The following NBR1 variants were observed in gnomAD, a reference collection of about 807,000 sequenced individuals.
The protein encoded by NBR1 is NBR1 autophagy cargo receptor.
NBR1 carries 59 observed loss-of-function variants against 115.5 expected under a neutral mutation model. The observed-to-expected ratio is 0.51, with a 90% CI of 0.41 to 0.63. The LOEUF (loss-of-function observed/expected upper bound fraction) is 0.63. NBR1 is among the 30% of genes least tolerant of loss of function. The probability of loss-of-function intolerance (pLI) is 0.00; values close to 1 mark genes in which losing one functional copy is unlikely to be tolerated. For synonymous variants in NBR1, 373 were observed against 414.7 expected (o/e 0.90, Z 1.22); for missense variants, 1,043 against 1,150.5 (o/e 0.91, Z 1.35).
At chr17:43,199,554 T>G (rs1177774679) in intron 16 of NBR1, among the ~76,000 whole-genome samples, 1 of 151,970 alleles carries the variant, frequency 6.6e-6, no homozygotes, top group Non-Finnish European at 1.5e-5. Context: ...TTTTTGTATT[T>G]TTAGTAGAGA....
chr17:43,201,759 G>T lies in NBR1; in HGVS notation c.2542G>T (p.Val848Phe). 1.3e-6 allele frequency: 2 copies of T among 1,596,916 alleles called. No homozygotes were observed. The highest frequency in any genetic ancestry group is 1.1e-5 in the South Asian group (1 of 90,636). The stretch of plus-strand genomic sequence containing the variant: ...AGTTACCATACCAGAAGTTTCTTCA[G>T]TCCCTGATCAGATCAGAGGAGGTAA... ...LPVTIPEVSS[V>F]PDQIRGEPRG... The change falls in exon 18 of 21, where the codon GTC becomes TTC. Residue 848 changes from valine (V) to phenylalanine (F), a missense_variant. By Grantham distance (50) the Val-to-Phe change is conservative. Transcript: ENST00000590996.
chr17:43,174,452 G>A (rs1184418252), intron 1 of NBR1, among the ~76,000 whole-genome samples: 1 of 151,828 alleles, frequency 6.6e-6, no homozygotes, highest in African/African-American at 2.4e-5. Flanking sequence ...AAAAAAATTA[G>A]CCAGGCGTGG....
intron 16 of NBR1, 50 bp from the exon 17 acceptor site, chr17:43,200,117 T>G: frequency 7.0e-7 from 1 of 1,424,582 alleles, no homozygotes; most frequent in Non-Finnish European, 9.5e-7. Context: ...GGATAGTACT[T>G]AGGCCTGCTT....
chr17:43,197,227 G>C, intron 16 of NBR1, 121 bp downstream of exon 16: 2 of 1,041,020 alleles, frequency 1.9e-6, no homozygotes, highest in South Asian at 3.2e-5. Flanking sequence ...TTAGTTAGAA[G>C]TTCTGATCTT....
In NBR1 at chr17:43,201,696, T is replaced by C. The variant is rs752547224; in HGVS notation, c.2479T>C (p.Cys827Arg). 6.3e-7 allele frequency: 1 copy of C among 1,599,210 alleles called. No individual in the cohort carries two copies. Among genetic ancestry groups the C allele is most frequent in the Non-Finnish European group, 8.6e-7 (1 of 1,166,494 alleles). The stretch of plus-strand genomic sequence containing the variant: ...GTGTCTTTCTGAAAGGAGCTCTCCT[T>C]GTGTACATCATCATGGTTCCCCAGG... ...LPPSLPRSSP[C>R]VHHHGSPGVD... is the part of the protein sequence containing the mutation. Residue 827 changes from cysteine to arginine, a missense_variant, in exon 18 of 21, where the codon TGT becomes CGT. Physicochemically the swap from Cys to Arg is radical, Grantham distance 180 (BLOSUM62 -3). Coordinates refer to ENST00000590996, the MANE Select transcript of NBR1 (RefSeq NM_005899.5).
At chr17:43,198,712 A>G (rs1045469779) in intron 16 of NBR1, among the ~76,000 whole-genome samples, 3 of 152,080 alleles carry the variant, frequency 2.0e-5, no homozygotes, top group African/African-American at 7.2e-5. Context: ...CTGTAATCCC[A>G]GCACGTTGGG....
intron 3 of NBR1, 84 bp downstream of exon 3, chr17:43,178,082 A>C (rs1396593099): frequency 6.9e-7 from 1 of 1,455,178 alleles, no homozygotes; most frequent in Admixed American, 2.0e-5. Context: ...ATAATTCAAA[A>C]TAGTGTTTAG....
intron 4 of NBR1, among the ~76,000 whole-genome samples, 164 bp downstream of exon 4, chr17:43,179,576 T>A (rs2056612219): frequency 6.6e-6 from 1 of 152,192 alleles, no homozygotes; most frequent in Non-Finnish European, 1.5e-5. Flanking sequence ...CAGTTTTTTA[T>A]ATATAGGATG....
chr17:43,192,659 G>A (rs2056976480), intron 10 of NBR1, among the ~76,000 whole-genome samples: 2 of 152,140 alleles, frequency 1.3e-5, no homozygotes, highest in South Asian at 2.1e-4. Context: ...GTGAGCCACC[G>A]CGCCTGGCCA....
chr17:43,195,229 A>G, intron 14 of NBR1, 190 bp downstream of exon 14: 1 of 588,548 alleles, frequency 1.7e-6, no homozygotes, highest in Non-Finnish European at 3.0e-6. Context: ...CATGCTGGGC[A>G]TGGTGGCTCG....
In NBR1 at chr17:43,209,601, C is replaced by G. The variant is rs1302971145; in HGVS notation, c.2728-300C>G. On this transcript the variant is annotated intron_variant, in intron 20 of 20. Coordinates refer to ENST00000590996, the MANE Select transcript of NBR1 (RefSeq NM_005899.5). The stretch of plus-strand genomic sequence containing the variant: ...CATTCCTTCATCTGGCCAAAAAATG[C>G]TTCTTCCTGAAAGCCCCGAGTGAAG... 2.0e-6 allele frequency: 3 copies of G among 1,535,598 alleles called. No homozygotes were observed. The South Asian group carries it at 3.6e-5, about 18-fold the overall frequency.
intron 5 of NBR1, among the ~76,000 whole-genome samples, chr17:43,185,568 G>A (rs2056780625): frequency 6.6e-6 from 1 of 152,110 alleles, no homozygotes; most frequent in Non-Finnish European, 1.5e-5. Context: ...AGGTGTGGTG[G>A]CATGCGCCTG....
chr17:43,201,688 G>T lies in NBR1; in HGVS notation c.2471G>T (p.Ser824Ile). The T allele has an allele frequency of 6.3e-7, 1 of 1,587,652 alleles. No homozygotes were observed. Among genetic ancestry groups the T allele is most frequent in the Non-Finnish European group, 8.7e-7 (1 of 1,156,044 alleles). The change falls in exon 18 of 21, where the codon AGC becomes ATC. Residue 824 changes from serine (S) to isoleucine (I), a missense_variant and splice_region_variant. Ser to Ile is a moderately radical substitution (Grantham distance 142). Transcript: ENST00000590996. ...TCCATATTGTGTCTTTCTGAAAGGA[G>T]CTCTCCTTGTGTACATCATCATGGT... is the stretch of plus-strand genomic sequence containing the variant. ...VVELPPSLPR[S>I]SPCVHHHGSP...
intron 5 of NBR1, 50 bp downstream of exon 5, chr17:43,180,867 GGGTT>G (rs2056646226): frequency 1.5e-6 from 2 of 1,339,230 alleles, no homozygotes; most frequent in African/African-American, 1.5e-5. Context: ...ATATTATTAT[GGGTT>G]GGTTTTTTTT....
intron 18 of NBR1, 80 bp from the exon 19 acceptor site, chr17:43,202,575 C>T: frequency 2.1e-6 from 2 of 961,656 alleles, no homozygotes; most frequent in African/African-American, 1.7e-5. Context: ...CCACCTGCCT[C>T]AATAATAGCC....
At chr17:43,209,717 C>G (rs781682992) in intron 20 of NBR1, 184 bp from the exon 21 acceptor site, 267 of 1,530,698 alleles carry the variant, frequency 1.7e-4, no homozygotes, top group Non-Finnish European at 2.2e-4. Flanking sequence ...AAAATAGGGC[C>G]TTCCCAGTCC....
chr17:43,179,348 C>T, intron 3 of NBR1, 46 bp from the exon 4 acceptor site: 1 of 1,589,784 alleles, frequency 6.3e-7, no homozygotes, highest in African/African-American at 1.3e-5. Context: ...AAATGCTCAA[C>T]TGATGAGACA....
At chr17:43,193,055 C>T in intron 10 of NBR1, 39 bp from the exon 11 acceptor site, 1 of 1,603,934 alleles carries the variant, frequency 6.2e-7, no homozygotes, top group African/African-American at 1.3e-5. Flanking sequence ...AGCCTTCACA[C>T]CCAACAGCAA....
At chr17:43,172,418 G>C (rs945282378) in intron 1 of NBR1, among the ~76,000 whole-genome samples, 1 of 152,172 alleles carries the variant, frequency 6.6e-6, no homozygotes, top group African/African-American at 2.4e-5. Flanking sequence ...TTGAGAAAAA[G>C]AGAGGAAGAT....
Sources: gnomAD v4.1 joint callset for allele counts (sites outside exome capture counted in the v4.1 genomes callset) on GRCh38, gnomAD v4.1.1 for gene constraint, MANE v1.5 for transcripts, NCBI Gene and HGNC (gene_info 2026-07-23, HGNC 2026-07-21) for gene names.